RNMT: variants seen among roughly 807,000 people sequenced by gnomAD.
The protein encoded by RNMT is RNA guanine-7 methyltransferase.
Under a neutral mutation model 56.0 loss-of-function variants are expected in RNMT, and 27 were observed. The observed-to-expected ratio is 0.48, with a 90% CI of 0.36 to 0.67. The LOEUF (loss-of-function observed/expected upper bound fraction) is 0.67. Ranked by LOEUF, RNMT falls within the 30% of genes least tolerant of loss-of-function variation. RNMT has a pLI of 0.00. For missense variants in RNMT, 519 were observed against 552.1 expected, an observed-to-expected ratio of 0.94 and a Z score of 0.60; for synonymous variants, 184 against 176.2, an observed-to-expected ratio of 1.04 and a Z score of -0.35.
chr18:13,759,277 T>G (rs1010982924), intron 11 of RNMT, among the ~76,000 whole-genome samples: 2 of 152,162 alleles, frequency 1.3e-5, no homozygotes, highest in African/African-American at 4.8e-5. Flanking sequence ...TAAATAAAGC[T>G]AGGTATGCCT....
At position 13,761,529 on chromosome 18, in the gene RNMT, A is replaced by G. The variant is rs2044619060; in HGVS notation, c.*1550A>G. On this transcript the variant is annotated 3_prime_UTR_variant, in exon 12 of 12. Transcript: ENST00000383314. ...CTTAATTAACAGGTAATAATAATAC[A>G]TGTACTTTTAGCCTGAAACCTCTTC... 1 of 991,736 alleles carries G rather than the reference A, an allele frequency of 1.0e-6. No homozygotes were observed. The highest frequency in any genetic ancestry group is 4.5e-5 in the South Asian group (1 of 22,034). The allele number at this position is 991,736 out of a possible 1,614,324, so 61.4% of individuals were successfully genotyped here. A position where few individuals can be genotyped will look rare whatever the true frequency, so the allele number is the denominator to read the frequency against.
chr18:13,737,323 C>G (rs2044178769), intron 5 of RNMT, among the ~76,000 whole-genome samples, 188 bp downstream of exon 5: 1 of 152,008 alleles, frequency 6.6e-6, no homozygotes, highest in Non-Finnish European at 1.5e-5. Context: ...GGGTGGATCA[C>G]TTGAGGTCAG....
Position 13,761,197 on chromosome 18 carries a change from A to C in RNMT, c.*1218A>C. 4 of 985,480 alleles carry C rather than the reference A, an allele frequency of 4.1e-6. No individual in the cohort carries two copies. Among genetic ancestry groups the C allele is most frequent in the Non-Finnish European group, 4.8e-6 (4 of 829,936 alleles). 61.0% of individuals were successfully genotyped at this position (985,480 alleles called of 1,614,324 possible). ...TGTTAGAGTTGCAAACTTTTTAGCAAGAAAATATGGATTTCCTCATTTCAG... is the reference window on the plus strand; with the variant it reads ...TGTTAGAGTTGCAAACTTTTTAGCACGAAAATATGGATTTCCTCATTTCAG... On this transcript the variant is annotated 3_prime_UTR_variant, in exon 12 of 12. Transcript: ENST00000383314.
chr18:13,747,166 T>C (rs893528849), intron 9 of RNMT, among the ~76,000 whole-genome samples: 1 of 152,164 alleles, frequency 6.6e-6, no homozygotes, highest in Non-Finnish European at 1.5e-5. Context: ...TTTATCCTTA[T>C]AATTACCTCC....
chr18:13,739,535 C>G (rs993172075), intron 5 of RNMT, among the ~76,000 whole-genome samples: 1 of 152,282 alleles, frequency 6.6e-6, no homozygotes, highest in East Asian at 1.9e-4. Context: ...TAATCCCCAG[C>G]ACTTTGGGAA....
At chr18:13,745,545 G>T (rs2044336679) in intron 8 of RNMT, among the ~76,000 whole-genome samples, 1 of 152,208 alleles carries the variant, frequency 6.6e-6, no homozygotes, top group Non-Finnish European at 1.5e-5. Flanking sequence ...GCAAAGATTG[G>T]CAGTAAAAGA....
intron 4 of RNMT, among the ~76,000 whole-genome samples, chr18:13,736,696 A>G (rs557214794): frequency 2.6e-5 from 4 of 152,246 alleles, no homozygotes; most frequent in East Asian, 1.9e-4. Context: ...CTCATCCTGA[A>G]CAAGTGTTGT....
intron 11 of RNMT, among the ~76,000 whole-genome samples, chr18:13,754,455 T>C (rs2044509592): frequency 6.6e-6 from 1 of 152,144 alleles, no homozygotes; most frequent in South Asian, 2.1e-4. Flanking sequence ...TGCAGTGAGC[T>C]GTGATTACAT....
chr18:13,754,162 A>G lies in RNMT; in HGVS notation c.1393+15A>G. The G allele has an allele frequency of 6.5e-7, 1 of 1,526,890 alleles. No homozygotes were observed. The highest frequency in any genetic ancestry group is 1.7e-5 in the Admixed American group (1 of 58,482). The allele number at this position is 1,526,890 out of a possible 1,614,324, so 94.6% of individuals were successfully genotyped here. On this transcript the variant is annotated intron_variant, in intron 11 of 11. Coordinates refer to ENST00000383314, the MANE Select transcript of RNMT (RefSeq NM_003799.3). ...GGAAGCTACAAGTGAGTATATCATC[A>G]GCATAGATTAACTGATAATTTCAAA...
intron 4 of RNMT, among the ~76,000 whole-genome samples, chr18:13,735,500 CTTTTTTTTT>C (rs5823269): frequency 7.2e-6 from 1 of 138,268 alleles, no homozygotes; most frequent in East Asian, 2.1e-4. Flanking sequence ...TGAGTGTTCA[CTTTTTTTTT>C]TTTTTTTTAA....
intron 7 of RNMT, 96 bp from the exon 8 acceptor site, chr18:13,742,391 CA>C: frequency 9.5e-7 from 1 of 1,056,868 alleles, no homozygotes; most frequent in Non-Finnish European, 1.4e-6. Context: ...ATCAAGTGTG[CA>C]TCATGTAGTT....
chr18:13,754,008 A>G, intron 10 of RNMT, 106 bp from the exon 11 acceptor site: 1 of 633,696 alleles, frequency 1.6e-6, no homozygotes, highest in South Asian at 1.9e-5. Flanking sequence ...GTGTATTTAC[A>G]GTGAAGTTAG....
At chr18:13,758,694 G>T (rs980811963) in intron 11 of RNMT, among the ~76,000 whole-genome samples, 4 of 152,130 alleles carry the variant, frequency 2.6e-5, no homozygotes, top group African/African-American at 9.7e-5. Flanking sequence ...ATTCCAGTGT[G>T]TTCATTGGAG....
chr18:13,734,569 T>A lies in RNMT; in HGVS notation c.523T>A (p.Phe175Ile). Residue 175 changes from phenylalanine to isoleucine, a missense_variant, in exon 4 of 12, where the codon TTT (phenylalanine) becomes ATT (isoleucine). Phe to Ile is a conservative substitution (Grantham distance 21). Coordinates refer to ENST00000383314, the MANE Select transcript of RNMT (RefSeq NM_003799.3). ...SQSRIFYLRN[F>I]NNWMKSVLIG... ...AAGTCGTATTTTTTACCTAAGAAAC[T>A]TTAATAATTGGATGAAAAGTGTTCT... 6.2e-7 allele frequency: 1 copy of A among 1,613,320 alleles called. No homozygotes were observed. Among genetic ancestry groups the A allele is most frequent in the Non-Finnish European group, 8.5e-7 (1 of 1,179,550 alleles).
chr18:13,755,164 T>A (rs2044521887), intron 11 of RNMT, among the ~76,000 whole-genome samples: 1 of 152,230 alleles, frequency 6.6e-6, no homozygotes, highest in South Asian at 2.1e-4. Flanking sequence ...ATGTTAAATC[T>A]CTACCTTCTA....
At chr18:13,757,156 AAAAT>A (rs2044556998) in intron 11 of RNMT, among the ~76,000 whole-genome samples, 1 of 152,146 alleles carries the variant, frequency 6.6e-6, no homozygotes, top group African/African-American at 2.4e-5. Context: ...CATTGGTAAA[AAAAT>A]GCTGATGATC....
chr18:13,734,674 A>G, intron 4 of RNMT, 75 bp downstream of exon 4: 1 of 1,322,270 alleles, frequency 7.6e-7, no homozygotes, highest in Non-Finnish European at 1.0e-6. Flanking sequence ...TTATAAAGCT[A>G]GAGCCAAGAC....
At chr18:13,739,931 A>G (rs1423269804) in intron 5 of RNMT, among the ~76,000 whole-genome samples, 1 of 152,268 alleles carries the variant, frequency 6.6e-6, no homozygotes, top group Non-Finnish European at 1.5e-5. Context: ...ATAAGCATTT[A>G]AAAATCATGA....
At chr18:13,732,542 C>G (rs747683375) in intron 3 of RNMT, among the ~76,000 whole-genome samples, 4 of 152,018 alleles carry the variant, frequency 2.6e-5, no homozygotes, top group Non-Finnish European at 5.9e-5. Context: ...TAATATTTAG[C>G]AAAGATATTA....
Sources: gnomAD v4.1 joint callset for allele counts (sites outside exome capture counted in the v4.1 genomes callset) on GRCh38, gnomAD v4.1.1 for gene constraint, MANE v1.5 for transcripts, NCBI Gene and HGNC (gene_info 2026-07-23, HGNC 2026-07-21) for gene names.